Variants in ADAMTS18 observed in about 807,000 individuals in gnomAD.
The protein encoded by ADAMTS18 is ADAM metallopeptidase with thrombospondin type 1 motif 18, also known as A disintegrin and metalloproteinase with thrombospondin motifs 18.
ADAMTS18 carries 157 observed loss-of-function variants against 165.9 expected under a neutral mutation model. That is an observed-to-expected ratio of 0.95 (90% CI 0.83 to 1.08). The LOEUF (loss-of-function observed/expected upper bound fraction) is 1.08. Ranked by LOEUF, ADAMTS18 falls within the 50% of genes least tolerant of loss-of-function variation. The pLI is 0.00. For synonymous variants in ADAMTS18, 782 were observed against 578.2 expected (o/e 1.35, Z -5.06); for missense variants, 2,040 against 1,534.0 (o/e 1.33, Z -5.51).
intron 8 of ADAMTS18, among the ~76,000 whole-genome samples, chr16:77,358,128 A>G (rs1030300433): frequency 5.9e-5 from 9 of 152,312 alleles, no homozygotes; most frequent in African/African-American, 2.2e-4. Flanking sequence ...TCCATTTACA[A>G]TTTTAAAAAT....
intron 20 of ADAMTS18, among the ~76,000 whole-genome samples, chr16:77,292,287 C>G: frequency 6.6e-6 from 1 of 152,138 alleles, no homozygotes; most frequent in East Asian, 1.9e-4. Context: ...GAGCAAGACC[C>G]TGTCTCAAAA....
chr16:77,376,308 T>C (rs910358163), intron 3 of ADAMTS18, among the ~76,000 whole-genome samples: 1 of 152,156 alleles, frequency 6.6e-6, no homozygotes, highest in Non-Finnish European at 1.5e-5. Flanking sequence ...ATCATGAGAA[T>C]AGCAAGGGGG....
chr16:77,413,142 C>T (rs2057486827), intron 3 of ADAMTS18, among the ~76,000 whole-genome samples: 1 of 152,142 alleles, frequency 6.6e-6, no homozygotes, highest in African/African-American at 2.4e-5. Context: ...ACAGAGGAGT[C>T]ACACCTGAAG....
At chr16:77,424,863 T>G (rs1053608253) in intron 3 of ADAMTS18, among the ~76,000 whole-genome samples, 4 of 152,144 alleles carry the variant, frequency 2.6e-5, no homozygotes, top group African/African-American at 9.7e-5. Context: ...AGGGGGTGTA[T>G]GTAATTCAAC....
chr16:77,291,160 T>A, intron 21 of ADAMTS18, 106 bp downstream of exon 21: 1 of 1,302,314 alleles, frequency 7.7e-7, no homozygotes, highest in Non-Finnish European at 1.1e-6. Context: ...CCCTTAGTTG[T>A]TTTTACTTAG....
At chr16:77,320,987 G>C (rs1473862404) in intron 15 of ADAMTS18, 92 bp downstream of exon 15, 4 of 1,520,154 alleles carry the variant, frequency 2.6e-6, no homozygotes, top group Non-Finnish European at 3.7e-6. Flanking sequence ...CAGTGAACTA[G>C]TAAAAGGCTC....
At chr16:77,317,107 G>T (rs12596155) in intron 16 of ADAMTS18, among the ~76,000 whole-genome samples, 14,930 of 151,720 alleles carry the variant, frequency 0.098, 975 homozygotes, top group East Asian at 0.27. Context: ...CAAAAAGTCT[G>T]TTTTTTTATC....
At chr16:77,334,035 T>A (rs1459261343) in intron 12 of ADAMTS18, among the ~76,000 whole-genome samples, 1 of 138,216 alleles carries the variant, frequency 7.2e-6, no homozygotes, top group Admixed American at 7.8e-5. Context: ...CAGTGCAATA[T>A]ATGCTATATA....
chr16:77,305,993 G>T (rs1358624195), intron 16 of ADAMTS18, among the ~76,000 whole-genome samples: 2 of 152,058 alleles, frequency 1.3e-5, no homozygotes, highest in African/African-American at 4.8e-5. Flanking sequence ...ACATGCTCAG[G>T]GTACAGGAGC....
intron 17 of ADAMTS18, among the ~76,000 whole-genome samples, chr16:77,299,211 C>T (rs2055534264): frequency 6.6e-6 from 1 of 152,188 alleles, no homozygotes; most frequent in South Asian, 2.1e-4. Context: ...GTCTGTCAAA[C>T]ACATGTTTGC....
At chr16:77,338,395 T>C (rs8049801) in intron 11 of ADAMTS18, among the ~76,000 whole-genome samples, 3,171 of 151,878 alleles carry the variant, frequency 0.021, 112 homozygotes, top group African/African-American at 0.073. Flanking sequence ...ACCAGCATGC[T>C]CAGGTAATTT....
At chr16:77,312,928 G>T (rs931136428) in intron 16 of ADAMTS18, among the ~76,000 whole-genome samples, 1 of 152,058 alleles carries the variant, frequency 6.6e-6, no homozygotes, top group East Asian at 1.9e-4. Context: ...ATTTGACCCC[G>T]CAATCCCATT....
At chr16:77,297,503 G>C in intron 17 of ADAMTS18, 88 bp from the exon 18 acceptor site, 1 of 1,364,098 alleles carries the variant, frequency 7.3e-7, no homozygotes, top group Admixed American at 1.7e-5. Flanking sequence ...TACCAGCATT[G>C]TGATATTTTA....
intron 3 of ADAMTS18, among the ~76,000 whole-genome samples, chr16:77,387,529 C>T (rs1173569779): frequency 6.6e-6 from 1 of 152,156 alleles, no homozygotes; most frequent in Non-Finnish European, 1.5e-5. Context: ...CCATTCATAC[C>T]TCCTTCACTG....
At position 77,294,592 on chromosome 16, in the gene ADAMTS18, T is replaced by C. The variant is rs2055429560; in HGVS notation, c.3006+331A>G. ...AAATATCTCTTCGATGCTTCATTCT[T>C]TGTATTTGCGTTTCCCATTTGCTTT... On this transcript the variant is annotated intron_variant, in intron 19 of 22. Transcript: ENST00000282849. 6.6e-5 allele frequency among the ~76,000 whole-genome samples: 10 copies of C among 152,246 alleles called. 1 individual carries two copies. The South Asian group carries it at 2.1e-3, about 31-fold the overall frequency.
At chr16:77,408,480 T>A (rs552295531) in intron 3 of ADAMTS18, among the ~76,000 whole-genome samples, 1 of 152,202 alleles carries the variant, frequency 6.6e-6, no homozygotes, top group Admixed American at 6.5e-5. Flanking sequence ...AATAGATAAA[T>A]AGTGGTTTAT....
At chr16:77,335,222 A>G (rs2056288881) in intron 12 of ADAMTS18, among the ~76,000 whole-genome samples, 1 of 151,204 alleles carries the variant, frequency 6.6e-6, no homozygotes. Flanking sequence ...TAAGTGAAAT[A>G]AGCCAAATGG....
chr16:77,362,395 T>C (rs1198675174), intron 6 of ADAMTS18, 131 bp from the exon 7 acceptor site: 1 of 959,498 alleles, frequency 1.0e-6, no homozygotes, highest in Non-Finnish European at 1.6e-6. Flanking sequence ...TGAGCTAAGG[T>C]AGGAGACAGG....
At chr16:77,433,440 G>C (rs796416239) in intron 2 of ADAMTS18, 5 of 152,388 alleles carry the variant, frequency 3.3e-5, no homozygotes, top group African/African-American at 7.2e-5. Flanking sequence ...CCCCTGTAAA[G>C]AGTGATCTCT....
Sources: gnomAD v4.1 joint callset for allele counts (sites outside exome capture counted in the v4.1 genomes callset) on GRCh38, gnomAD v4.1.1 for gene constraint, MANE v1.5 for transcripts, NCBI Gene and HGNC (gene_info 2026-07-23, HGNC 2026-07-21) for gene names.